The following STAT4 variants were observed in gnomAD, a reference collection of about 807,000 sequenced individuals.
STAT4 encodes the protein signal transducer and activator of transcription 4.
Under a neutral mutation model 110.5 loss-of-function variants are expected in STAT4, and 42 were observed. The ratio of observed to expected loss-of-function variants is 0.38; its 90% CI spans 0.30 to 0.49. The LOEUF (loss-of-function observed/expected upper bound fraction) is 0.49. Among genes scored for constraint, STAT4 ranks in the 20% least tolerant of loss-of-function variants. The pLI is 0.95. For synonymous variants in STAT4, 284 were observed against 302.2 expected (o/e 0.94, Z 0.63); for missense variants, 632 against 887.9 (o/e 0.71, Z 3.66).
At chr2:191,078,408 C>T (rs902512533) in intron 3 of STAT4, among the ~76,000 whole-genome samples, 2 of 152,124 alleles carry the variant, frequency 1.3e-5, no homozygotes, top group African/African-American at 4.8e-5. Flanking sequence ...AAATTACTCA[C>T]TTTTTCTTCT....
At chr2:191,145,792 T>C (rs1574203092) in intron 3 of STAT4, among the ~76,000 whole-genome samples, 1 of 152,356 alleles carries the variant, frequency 6.6e-6, no homozygotes, top group South Asian at 2.1e-4. Context: ...CTTTTTCTGT[T>C]ATTTAATACG....
intron 3 of STAT4, among the ~76,000 whole-genome samples, chr2:191,098,076 C>G (rs975754673): frequency 1.3e-5 from 2 of 152,176 alleles, no homozygotes; most frequent in Non-Finnish European, 2.9e-5. Flanking sequence ...CCATCTCACA[C>G]CAGTTAGAAT....
At chr2:191,132,770 T>C (rs945268781) in intron 3 of STAT4, among the ~76,000 whole-genome samples, 5 of 150,448 alleles carry the variant, frequency 3.3e-5, no homozygotes, top group African/African-American at 4.9e-5. Flanking sequence ...TTTTTTTTTT[T>C]TGGAGACGGA....
chr2:191,033,434 A>G lies in STAT4; in HGVS notation c.1852+56T>C. On this transcript the variant is annotated intron_variant, in intron 20 of 23. Coordinates refer to ENST00000392320, the MANE Select transcript of STAT4 (RefSeq NM_003151.4). This position sits in a 1 kb window ranked among gnomAD's most constrained non-coding sequence, Gnocchi z 6.9. Reference sequence around the variant, plus strand: ...ATACACTTCCAAAAACTGAAATCCCAGTAACCAAATTTAAGAAAACTAATT... The same window carrying G: ...ATACACTTCCAAAAACTGAAATCCCGGTAACCAAATTTAAGAAAACTAATT... 1 of 1,558,756 alleles carries G rather than the reference A, an allele frequency of 6.4e-7. No homozygotes were observed. Among genetic ancestry groups the G allele is most frequent in the Non-Finnish European group, 8.7e-7 (1 of 1,151,890 alleles).
rs1696986239 is a variant in STAT4 at position 191,066,385 on chromosome 2, A to C, written c.630+45T>G. The C allele has an allele frequency of 1.3e-6, 2 of 1,527,732 alleles. No homozygotes were observed. Among genetic ancestry groups the C allele is most frequent in the African/African-American group, 2.7e-5 (2 of 73,014 alleles). 94.6% of individuals were successfully genotyped at this position (1,527,732 alleles called of 1,614,324 possible). ...TTTCAGTTAGTCTAAGTTTAGAAAAAAGGAGAAAAATAGGCAAAAGCCCAA... is the reference window on the plus strand; with the variant it reads ...TTTCAGTTAGTCTAAGTTTAGAAAACAGGAGAAAAATAGGCAAAAGCCCAA... On this transcript the variant is annotated intron_variant, in intron 7 of 23. Transcript: ENST00000392320. The surrounding 1 kb of genome is among the most constrained non-coding windows in gnomAD (Gnocchi z 4.3).
rs1450047816 is a variant in STAT4 at position 191,039,853 on chromosome 2, T to C, written c.1336-556A>G. 6.6e-6 allele frequency among the ~76,000 whole-genome samples: 1 copy of C among 152,228 alleles called. No homozygotes were observed. The highest frequency in any genetic ancestry group is 1.5e-5 in the Non-Finnish European group (1 of 68,044). On this transcript the variant is annotated intron_variant, in intron 15 of 23. Coordinates refer to ENST00000392320, the MANE Select transcript of STAT4 (RefSeq NM_003151.4). This position sits in a 1 kb window ranked among gnomAD's most constrained non-coding sequence, Gnocchi z 4.7. The stretch of plus-strand genomic sequence containing the variant: ...TAATACTCTTGGTTCTGTGGTTTTC[T>C]ACTTTATGAGATAAACAGGCTTTTA...
intron 5 of STAT4, among the ~76,000 whole-genome samples, chr2:191,072,655 C>T (rs1697199522): frequency 6.6e-6 from 1 of 151,912 alleles, no homozygotes; most frequent in Non-Finnish European, 1.5e-5. Flanking sequence ...GACATCTTCA[C>T]TAGATCAATA....
At chr2:191,111,029 A>G (rs1698408679) in intron 3 of STAT4, among the ~76,000 whole-genome samples, 1 of 152,148 alleles carries the variant, frequency 6.6e-6, no homozygotes, top group Non-Finnish European at 1.5e-5. Context: ...CAGGTGATCC[A>G]CTTGCTTCGG....
Position 191,039,766 on chromosome 2 carries a change from T to C in STAT4, c.1336-469A>G, listed in dbSNP as rs369359352. Among the ~76,000 whole-genome samples, 119 of 152,286 alleles carry C rather than the reference T, an allele frequency of 7.8e-4. No individual in the cohort carries two copies. Among genetic ancestry groups the C allele is most frequent in the African/African-American group, 2.8e-3 (116 of 41,574 alleles). ...AAGTGGGAGGTTTCTATTGTAAAAA[T>C]AGGAGAGATAAGCTATGGGAGATAG... is the stretch of plus-strand genomic sequence containing the variant. On this transcript the variant is annotated intron_variant, in intron 15 of 23. Coordinates refer to ENST00000392320, the MANE Select transcript of STAT4 (RefSeq NM_003151.4). This position sits in a 1 kb window ranked among gnomAD's most constrained non-coding sequence, Gnocchi z 4.7.
In STAT4 at chr2:191,060,707, C is replaced by T. The variant is rs1696825079; in HGVS notation, c.1034+1022G>A. Reference sequence around the variant, plus strand: ...GTGCTGGGATTATAGGCGTGAGCCACCATGCCTGGCCAACAGTGCAATTTA... The same window carrying T: ...GTGCTGGGATTATAGGCGTGAGCCATCATGCCTGGCCAACAGTGCAATTTA... On this transcript the variant is annotated intron_variant, in intron 10 of 23. Transcript: ENST00000392320. The surrounding 1 kb of genome is among the most constrained non-coding windows in gnomAD (Gnocchi z 4.5). Among the ~76,000 whole-genome samples, 1 of 152,224 alleles carries T rather than the reference C, an allele frequency of 6.6e-6. No individual in the cohort carries two copies. Among genetic ancestry groups the T allele is most frequent in the African/African-American group, 2.4e-5 (1 of 41,452 alleles).
Position 191,148,211 on chromosome 2 carries a change from A to C in STAT4, c.-1-7T>G, listed in dbSNP as rs758403325. ...TTGATTCCACTGAGACATGCTATAA[A>C]AGAAGGTGTAGAATTAGAGTTTTAA... On this transcript the variant is annotated splice_polypyrimidine_tract_variant and splice_region_variant and intron_variant, in intron 1 of 23. Transcript: ENST00000392320. The C allele has an allele frequency of 2.0e-5, 32 of 1,612,816 alleles. No individual in the cohort carries two copies. In the Admixed American group the frequency reaches 5.2e-4, roughly 26 times the overall value.
intron 3 of STAT4, among the ~76,000 whole-genome samples, chr2:191,111,403 G>A (rs924685694): frequency 7.9e-5 from 12 of 152,168 alleles, no homozygotes; most frequent in Admixed American, 2.0e-4. Context: ...ATATTTCGGA[G>A]TATAACTTTT....
chr2:191,145,989 G>A (rs1360272619), intron 3 of STAT4, among the ~76,000 whole-genome samples: 1 of 152,124 alleles, frequency 6.6e-6, no homozygotes, highest in Non-Finnish European at 1.5e-5. Flanking sequence ...GCTGGGTGCT[G>A]GAAATTCAAA....
intron 3 of STAT4, among the ~76,000 whole-genome samples, chr2:191,096,137 A>C (rs1365014970): frequency 6.6e-6 from 1 of 152,180 alleles, no homozygotes; most frequent in African/African-American, 2.4e-5. Context: ...ATAGCCTACC[A>C]ACCAAAAAAA....
rs1699304920 is a variant in STAT4, at chr2:191,140,934, G to T, written c.273+5679C>A. ...AAAAAGGAATGAAATAATGTCTTTT[G>T]CAGCAACCTGGATAAAACTGGAGGG... On this transcript the variant is annotated intron_variant, in intron 3 of 23. Coordinates refer to ENST00000392320, the MANE Select transcript of STAT4 (RefSeq NM_003151.4). This position sits in a 1 kb window ranked among gnomAD's most constrained non-coding sequence, Gnocchi z 4.4. 6.6e-6 allele frequency among the ~76,000 whole-genome samples: 1 copy of T among 152,160 alleles called. No homozygotes were observed. Among genetic ancestry groups the T allele is most frequent in the Non-Finnish European group, 1.5e-5 (1 of 68,026 alleles).
In STAT4 at chr2:191,033,974, C is replaced by A; in HGVS notation, c.1652G>T (p.Trp551Leu). 6.2e-7 allele frequency: 1 copy of A among 1,611,762 alleles called. No individual in the cohort carries two copies. Among genetic ancestry groups the A allele is most frequent in the Non-Finnish European group, 8.5e-7 (1 of 1,179,158 alleles). The change falls in exon 19 of 24, where the codon TGG becomes TTG. Residue 551 changes from tryptophan to leucine, a missense_variant. By Grantham distance (61) the Trp-to-Leu change is moderately conservative. Transcript: ENST00000392320. This position sits in a 1 kb window ranked among gnomAD's most constrained non-coding sequence, Gnocchi z 6.9. ...EHLPGKSFTF[W>L]TWLEAILDLI... ...ATCCAATATTGCTTCAAGCCATGTC[C>A]AAAAGGTAAATGATTTACCAGGTAA...
In STAT4 at chr2:191,110,367, G is replaced by A. The variant is rs1264820128; in HGVS notation, c.274-34042C>T. 6.6e-6 allele frequency among the ~76,000 whole-genome samples: 1 copy of A among 152,106 alleles called. No individual in the cohort carries two copies. The highest frequency in any genetic ancestry group is 1.5e-5 in the Non-Finnish European group (1 of 68,028). On this transcript the variant is annotated intron_variant, in intron 3 of 23. Transcript: ENST00000392320. This position sits in a 1 kb window ranked among gnomAD's most constrained non-coding sequence, Gnocchi z 4.5. ...GGGACATGGGAGGAGCTAGCACTGG[G>A]GAATAACATTTGTAAATGTCTTCTA...
At chr2:191,141,895 G>A (rs114662786) in intron 3 of STAT4, among the ~76,000 whole-genome samples, 2,008 of 152,054 alleles carry the variant, frequency 0.013, 45 homozygotes, top group African/African-American at 0.042. Flanking sequence ...GAGCTACCAC[G>A]CCCAGCCTAG....
chr2:191,115,085 A>G (rs1365782717), intron 3 of STAT4, among the ~76,000 whole-genome samples: 1 of 152,198 alleles, frequency 6.6e-6, no homozygotes, highest in Non-Finnish European at 1.5e-5. Context: ...AGAAAAAAGT[A>G]TCTGTTTTTC....
Sources: gnomAD v4.1 joint callset for allele counts (sites outside exome capture counted in the v4.1 genomes callset) on GRCh38, gnomAD v4.1.1 for gene constraint, Gnocchi (gnomAD v3.1) non-coding constraint, MANE v1.5 for transcripts, NCBI Gene and HGNC (gene_info 2026-07-23, HGNC 2026-07-21) for gene names.